CDH2: variants seen among roughly 807,000 people sequenced by gnomAD.
The protein encoded by CDH2 is cadherin 2, also known as cadherin-2.
In CDH2, 17 loss-of-function variants were observed where a neutral mutation model predicts 92.0. The observed-to-expected ratio is 0.18, with a 90% CI of 0.13 to 0.28. CDH2 has a LOEUF of 0.28. Ranked by LOEUF, CDH2 falls within the 10% of genes least tolerant of loss-of-function variation. The probability of loss-of-function intolerance (pLI) is 1.00; values close to 1 mark genes in which losing one functional copy is unlikely to be tolerated. For synonymous variants in CDH2, 419 were observed against 415.9 expected (o/e 1.01, Z -0.09); for missense variants, 862 against 1,133.1 (o/e 0.76, Z 3.44).
chr18:28,102,927 TA>T lies in CDH2; in HGVS notation c.172+44745del, dbSNP rs1224289117. Among the ~76,000 whole-genome samples, 4 of 151,594 alleles carry T rather than the reference TA, an allele frequency of 2.6e-5. No homozygotes were observed. In the East Asian group the frequency reaches 7.8e-4, roughly 29 times the overall value. ...GGTTTCAGATTATGAAAAAAAAAAT[TA>T]GGGGGTAAATTTGAAGTCAGGTGAA... is the stretch of plus-strand genomic sequence containing the variant. On this transcript the variant is annotated intron_variant, in intron 2 of 15. Coordinates refer to ENST00000269141, the MANE Select transcript of CDH2 (RefSeq NM_001792.5).
At chr18:28,104,966 AT>A (rs201543388) in intron 2 of CDH2, among the ~76,000 whole-genome samples, 6 of 151,254 alleles carry the variant, frequency 4.0e-5, no homozygotes, top group South Asian at 2.1e-4. Context: ...TGATACCATG[AT>A]TTTTTTTTAG....
intron 2 of CDH2, among the ~76,000 whole-genome samples, chr18:28,027,540 A>C (rs1046350144): frequency 6.6e-6 from 1 of 152,144 alleles, no homozygotes; most frequent in South Asian, 2.1e-4. Context: ...AAAAAAAATC[A>C]AAACAGCAGT....
chr18:28,153,867 A>G (rs1453271253), intron 1 of CDH2, among the ~76,000 whole-genome samples: 1 of 152,208 alleles, frequency 6.6e-6, no homozygotes, highest in Non-Finnish European at 1.5e-5. Context: ...AACTCATGGT[A>G]CATCTGCCAT....
intron 2 of CDH2, among the ~76,000 whole-genome samples, chr18:28,080,679 C>T (rs2014812269): frequency 6.6e-6 from 1 of 152,122 alleles, no homozygotes; most frequent in African/African-American, 2.4e-5. Flanking sequence ...AAACAAAAGA[C>T]CAAACTAAGA....
intron 2 of CDH2, among the ~76,000 whole-genome samples, chr18:28,147,427 G>T (rs2016052520): frequency 6.6e-6 from 1 of 151,988 alleles, no homozygotes; most frequent in African/African-American, 2.4e-5. Context: ...TTACATAACG[G>T]TTTCTCTGTA....
intron 2 of CDH2, among the ~76,000 whole-genome samples, chr18:28,072,096 T>C (rs1297401463): frequency 6.6e-6 from 1 of 152,050 alleles, no homozygotes. Context: ...GCCTTGAAAC[T>C]CCCTCTCCCC....
chr18:28,023,653 T>C (rs2013469476), intron 2 of CDH2, among the ~76,000 whole-genome samples: 1 of 152,156 alleles, frequency 6.6e-6, no homozygotes, highest in African/African-American at 2.4e-5. Context: ...AATATGAATA[T>C]TTATTTGCCT....
At chr18:28,156,873 G>A (rs1412496366) in intron 1 of CDH2, among the ~76,000 whole-genome samples, 1 of 151,964 alleles carries the variant, frequency 6.6e-6, no homozygotes, top group African/African-American at 2.4e-5. Context: ...GCCTATCAGG[G>A]CTTAGGACAA....
At chr18:28,023,393 G>A (rs757162078) in intron 2 of CDH2, among the ~76,000 whole-genome samples, 1 of 152,090 alleles carries the variant, frequency 6.6e-6, no homozygotes. Context: ...GGGTGATGTT[G>A]GCTCACTGCA....
At chr18:28,175,946 G>A (rs2016533426) in intron 1 of CDH2, among the ~76,000 whole-genome samples, 1 of 152,216 alleles carries the variant, frequency 6.6e-6, no homozygotes, top group South Asian at 2.1e-4. Flanking sequence ...CCGAGGCTGT[G>A]TGAAGTGGCC....
chr18:28,023,675 T>G (rs571277354), intron 2 of CDH2, among the ~76,000 whole-genome samples: 1 of 152,290 alleles, frequency 6.6e-6, no homozygotes, highest in Non-Finnish European at 1.5e-5. Context: ...CCTGCATACA[T>G]AATCTACAGA....
rs139995940 is a variant in CDH2 at position 28,101,528 on chromosome 18, T to C, written c.172+46145A>G. ...AGCCACCTGGGGACTTGACTGTAAC[T>C]ACACTTGTGATTTATAAACAAATAC... On this transcript the variant is annotated intron_variant, in intron 2 of 15. Coordinates refer to ENST00000269141, the MANE Select transcript of CDH2 (RefSeq NM_001792.5). 2.4e-3 allele frequency among the ~76,000 whole-genome samples: 364 copies of C among 152,286 alleles called. 5 individuals are homozygous for C. The highest frequency in any genetic ancestry group is 8.4e-3 in the African/African-American group (349 of 41,574).
At chr18:28,176,754 G>A (rs1228173960) in intron 1 of CDH2, among the ~76,000 whole-genome samples, 1 of 151,782 alleles carries the variant, frequency 6.6e-6, no homozygotes, top group Non-Finnish European at 1.5e-5. Flanking sequence ...AAAGGCGCGA[G>A]AGACCTACTG....
intron 6 of CDH2, among the ~76,000 whole-genome samples, chr18:27,939,066 T>C (rs1345306698): frequency 6.6e-6 from 1 of 152,174 alleles, no homozygotes; most frequent in African/African-American, 2.4e-5. Flanking sequence ...TCTTTCTTCC[T>C]GTGTGTTTTT....
chr18:27,964,902 C>T (rs1017500403), intron 14 of CDH2, among the ~76,000 whole-genome samples: 7 of 152,044 alleles, frequency 4.6e-5, no homozygotes, highest in African/African-American at 1.7e-4. Context: ...AGGTAAGGAA[C>T]TAGATAAACG....
intron 2 of CDH2, among the ~76,000 whole-genome samples, chr18:28,051,258 A>T (rs1349804189): frequency 6.6e-6 from 1 of 152,156 alleles, no homozygotes; most frequent in Non-Finnish European, 1.5e-5. Flanking sequence ...GTGAAAACTA[A>T]AGTATAGCTA....
chr18:28,008,316 T>C (rs1230805642), intron 5 of CDH2, among the ~76,000 whole-genome samples: 1 of 152,210 alleles, frequency 6.6e-6, no homozygotes, highest in Non-Finnish European at 1.5e-5. Flanking sequence ...TCTTTTCCTA[T>C]GTTTCAGAAC....
At chr18:28,151,414 C>G (rs2016119537) in intron 1 of CDH2, among the ~76,000 whole-genome samples, 1 of 152,186 alleles carries the variant, frequency 6.6e-6, no homozygotes, top group African/African-American at 2.4e-5. Context: ...AATTTGCTAA[C>G]CATTATACAA....
intron 14 of CDH2, among the ~76,000 whole-genome samples, chr18:27,965,469 G>A (rs557668548): frequency 3.9e-5 from 6 of 152,324 alleles, no homozygotes; most frequent in Middle Eastern, 3.4e-3. Flanking sequence ...ATGGGCTGGC[G>A]ACAAAGCGCC....
Sources: allele counts gnomAD v4.1 joint callset (sites outside exome capture counted in the v4.1 genomes callset), GRCh38; gene constraint gnomAD v4.1.1; transcripts MANE v1.5; gene names NCBI Gene and HGNC (gene_info 2026-07-23, HGNC 2026-07-21).